The following GBE1 variants were observed in gnomAD, a reference collection of about 807,000 sequenced individuals.
GBE1 encodes the protein 1,4-alpha-glucan branching enzyme 1, also known as 1,4-alpha-glucan-branching enzyme.
GBE1 carries 70 observed loss-of-function variants against 88.8 expected under a neutral mutation model. The observed-to-expected ratio is 0.79, with a 90% confidence interval of 0.65 to 0.96. The LOEUF (loss-of-function observed/expected upper bound fraction) is 0.96. Among genes scored for constraint, GBE1 ranks in the 40% least tolerant of loss-of-function variants. GBE1 has a pLI of 0.00. For synonymous variants in GBE1, 284 were observed against 300.1 expected (o/e 0.95, Z 0.56); for missense variants, 872 against 871.0 (o/e 1.00, Z -0.01).
intron 12 of GBE1, among the ~76,000 whole-genome samples, chr3:81,574,378 T>C (rs1703617063): frequency 6.6e-6 from 1 of 152,112 alleles, no homozygotes; most frequent in African/African-American, 2.4e-5. Context: ...ATAACAGTAT[T>C]AAGTCATTTC....
rs1323962437 is a variant in GBE1, at chr3:81,749,141, TTCA to T, written c.143+12231_143+12233del. On this transcript the variant is annotated intron_variant, in intron 1 of 15. Coordinates refer to ENST00000429644, the MANE Select transcript of GBE1 (RefSeq NM_000158.4). ...GAGAAATAAAACCTATACATAAATA[TTCA>T]TATCTTAGGTTTACTGTAATATTTG... 5.7e-4 allele frequency among the ~76,000 whole-genome samples: 87 copies of T among 152,250 alleles called. 2 individuals carry two copies. The South Asian group carries it at 0.018, about 31-fold the overall frequency.
intron 12 of GBE1, among the ~76,000 whole-genome samples, chr3:81,546,246 ACACT>A (rs954798444): frequency 6.6e-5 from 10 of 152,012 alleles, no homozygotes; most frequent in Middle Eastern, 3.4e-3. Context: ...ACTCACACAC[ACACT>A]AACTCACACA....
chr3:81,553,726 A>G (rs1703309614), intron 12 of GBE1, among the ~76,000 whole-genome samples: 1 of 151,382 alleles, frequency 6.6e-6, no homozygotes. Flanking sequence ...AATGGGGTAG[A>G]AAGGGGGTGG....
chr3:81,585,950 A>G (rs1014975190), intron 10 of GBE1, 142 bp downstream of exon 10: 7 of 524,998 alleles, frequency 1.3e-5, no homozygotes, highest in African/African-American at 2.0e-5. Flanking sequence ...ATTAAAAAGC[A>G]TAAGAATCGA....
intron 1 of GBE1, among the ~76,000 whole-genome samples, chr3:81,754,256 A>T (rs1706572684): frequency 6.6e-6 from 1 of 152,144 alleles, no homozygotes; most frequent in Admixed American, 6.5e-5. Flanking sequence ...TAACCAAAGA[A>T]GTGAAAGATC....
rs772444966 is a variant in GBE1, at chr3:81,705,435, A to G, written c.313+9T>C. 1.3e-6 allele frequency: 2 copies of G among 1,563,142 alleles called. No individual in the cohort carries two copies. The highest frequency in any genetic ancestry group is 1.4e-5 in the African/African-American group (1 of 72,978). ...ATTACTATTTAGTTCAATGCTTTCAAGTACTTACTAAAATCTCCAGTAAGA... is the reference window on the plus strand; with the variant it reads ...ATTACTATTTAGTTCAATGCTTTCAGGTACTTACTAAAATCTCCAGTAAGA... On this transcript the variant is annotated intron_variant, in intron 2 of 15. Coordinates refer to ENST00000429644, the MANE Select transcript of GBE1 (RefSeq NM_000158.4).
chr3:81,605,735 C>A (rs1489739058), intron 7 of GBE1, among the ~76,000 whole-genome samples: 2 of 152,016 alleles, frequency 1.3e-5, no homozygotes, highest in Non-Finnish European at 2.9e-5. Flanking sequence ...GATTTCGTGG[C>A]CATGTAAGGT....
At chr3:81,581,784 C>CA (rs1458806389) in intron 10 of GBE1, among the ~76,000 whole-genome samples, 1 of 152,050 alleles carries the variant, frequency 6.6e-6, no homozygotes, top group African/African-American at 2.4e-5. Flanking sequence ...TAACAGACCA[C>CA]ACATTTTGTG....
At chr3:81,492,221 A>C (rs1349757501) in intron 15 of GBE1, among the ~76,000 whole-genome samples, 3 of 152,228 alleles carry the variant, frequency 2.0e-5, no homozygotes, top group Non-Finnish European at 4.4e-5. Flanking sequence ...GTTTCCCTAG[A>C]GTTTACACAT....
At chr3:81,757,130 T>C (rs989029647) in intron 1 of GBE1, among the ~76,000 whole-genome samples, 1 of 152,092 alleles carries the variant, frequency 6.6e-6, no homozygotes, top group Non-Finnish European at 1.5e-5. Flanking sequence ...AAGGAATGCA[T>C]GTGGGAAATG....
chr3:81,596,863 T>C (rs1016223214), intron 7 of GBE1, among the ~76,000 whole-genome samples: 6 of 151,968 alleles, frequency 3.9e-5, no homozygotes, highest in African/African-American at 1.4e-4. Flanking sequence ...GAATCTAAGA[T>C]TTGTCTTTGA....
chr3:81,668,169 A>G (rs1705139595), intron 3 of GBE1, among the ~76,000 whole-genome samples: 1 of 152,134 alleles, frequency 6.6e-6, no homozygotes, highest in Admixed American at 6.5e-5. Flanking sequence ...GAGTTGAACA[A>G]TGAGAATACA....
intron 12 of GBE1, among the ~76,000 whole-genome samples, chr3:81,559,076 A>G (rs1703386343): frequency 6.6e-6 from 1 of 152,042 alleles, no homozygotes; most frequent in African/African-American, 2.4e-5. Flanking sequence ...TTTCATTTTC[A>G]AAACAGTAAA....
chr3:81,520,403 A>G (rs1576130069), intron 14 of GBE1, among the ~76,000 whole-genome samples: 1 of 151,522 alleles, frequency 6.6e-6, no homozygotes, highest in East Asian at 1.9e-4. Flanking sequence ...AAGGCCCACA[A>G]AAGAGGGGCC....
intron 14 of GBE1, among the ~76,000 whole-genome samples, chr3:81,508,262 G>A (rs1196762257): frequency 6.6e-6 from 1 of 152,012 alleles, no homozygotes; most frequent in African/African-American, 2.4e-5. Flanking sequence ...TATCCTAGAA[G>A]ATTATATAAC....
At chr3:81,606,239 A>G (rs556287940) in intron 7 of GBE1, among the ~76,000 whole-genome samples, 24 of 152,218 alleles carry the variant, frequency 1.6e-4, no homozygotes, top group Non-Finnish European at 2.8e-4. Flanking sequence ...TCTATGCTTT[A>G]AAAATGAGCC....
At chr3:81,707,666 C>A (rs1705797720) in intron 1 of GBE1, among the ~76,000 whole-genome samples, 1 of 151,940 alleles carries the variant, frequency 6.6e-6, no homozygotes, top group African/African-American at 2.4e-5. Flanking sequence ...TCACTCAACA[C>A]AGAGTAAAAT....
chr3:81,669,928 T>C (rs1226828153), intron 3 of GBE1, among the ~76,000 whole-genome samples: 1 of 152,172 alleles, frequency 6.6e-6, no homozygotes, highest in African/African-American at 2.4e-5. Flanking sequence ...ATAAACATAC[T>C]GTGCATTTTG....
chr3:81,696,769 T>C (rs1223565275), intron 2 of GBE1, among the ~76,000 whole-genome samples: 1 of 152,178 alleles, frequency 6.6e-6, no homozygotes, highest in Non-Finnish European at 1.5e-5. Flanking sequence ...TAACAGAGCA[T>C]AAATTTTGAA....
Sources: gnomAD v4.1 joint callset for allele counts (sites outside exome capture counted in the v4.1 genomes callset) on GRCh38, gnomAD v4.1.1 for gene constraint, MANE v1.5 for transcripts, NCBI Gene and HGNC (gene_info 2026-07-23, HGNC 2026-07-21) for gene names.